TJP3: variants seen among roughly 807,000 people sequenced by gnomAD.
TJP3 encodes the protein tight junction protein 3.
Under a neutral mutation model 104.2 loss-of-function variants are expected in TJP3, and 85 were observed. The observed-to-expected ratio is 0.82, with a 90% confidence interval of 0.68 to 0.98. The LOEUF (loss-of-function observed/expected upper bound fraction) is 0.98. Ranked by LOEUF, TJP3 falls within the 50% of genes least tolerant of loss-of-function variation. The pLI, the probability that TJP3 is intolerant of heterozygous loss-of-function variation, is 0.00. For missense variants in TJP3, 1,367 were observed against 1,322.8 expected (o/e 1.03, Z -0.52); for synonymous variants, 550 against 550.6 (o/e 1.00, Z 0.02).
At chr19:3,712,110 G>A (rs949674634) in intron 1 of TJP3, among the ~76,000 whole-genome samples, 2 of 152,188 alleles carry the variant, frequency 1.3e-5, no homozygotes, top group Non-Finnish European at 2.9e-5. Flanking sequence ...GAGCCCAGGA[G>A]TTTGAGACCA....
intron 1 of TJP3, among the ~76,000 whole-genome samples, chr19:3,727,785 G>T (rs2036616149): frequency 6.6e-6 from 1 of 151,648 alleles, no homozygotes; most frequent in Admixed American, 6.6e-5. Context: ...TAGGTGCCCA[G>T]CTACTCAGGA....
At chr19:3,714,764 T>TCAGTTTTCC (rs2036462165) in intron 1 of TJP3, among the ~76,000 whole-genome samples, 1 of 151,936 alleles carries the variant, frequency 6.6e-6, no homozygotes, top group Non-Finnish European at 1.5e-5. Flanking sequence ...TCTCTGGGCC[T>TCAGTTTTCC]CAGTTTTCCC....
intron 1 of TJP3, among the ~76,000 whole-genome samples, chr19:3,710,735 G>C (rs948673254): frequency 2.0e-5 from 3 of 151,932 alleles, no homozygotes; most frequent in African/African-American, 4.8e-5. Flanking sequence ...CGCGAGTGTG[G>C]GGTCACCAGG....
chr19:3,723,400 C>T (rs2145674034), intron 1 of TJP3, among the ~76,000 whole-genome samples: 1 of 152,292 alleles, frequency 6.6e-6, no homozygotes, highest in South Asian at 2.1e-4. Flanking sequence ...GCCAGAGAGA[C>T]AGACATGTCT....
chr19:3,718,222 T>TGG lies in TJP3; in HGVS notation c.-10+9662_-10+9663insGG, dbSNP rs1294965795. ...AAAAAAAAAAAAAAAAGTGTGTGTG[T>TGG]GTGTGTGTGTGTGTGTGTGTGTGTG... On this transcript the variant is annotated intron_variant, in intron 1 of 20. Coordinates refer to ENST00000541714, the MANE Select transcript of TJP3 (RefSeq NM_001267560.2). 4.7e-4 allele frequency among the ~76,000 whole-genome samples: 32 copies of TGG among 68,052 alleles called. 1 individual carries two copies. Among genetic ancestry groups the TGG allele is most frequent in the East Asian group, 3.9e-3 (9 of 2,320 alleles). The allele number at this position is 68,052 out of a possible 152,430, so 44.6% of individuals were successfully genotyped here.
At chr19:3,738,844 G>C in intron 12 of TJP3, 53 bp from the exon 13 acceptor site, 1 of 1,502,538 alleles carries the variant, frequency 6.7e-7, no homozygotes, top group Admixed American at 1.9e-5. Context: ...GGTGGGGAGG[G>C]CTCAGATCAG....
At chr19:3,725,361 G>C (rs1440370564) in intron 1 of TJP3, among the ~76,000 whole-genome samples, 1 of 152,300 alleles carries the variant, frequency 6.6e-6, no homozygotes. Context: ...CCTCAGGCAA[G>C]TTACTGAACC....
Position 3,728,681 on chromosome 19 carries a change from G to A in TJP3, c.126G>A (p.Val42=). ...GTGGATCCATGGTTGTATCTGACGT[G>A]GTACCTGGAGGGCCGGCGGAGGGCA... ...RPGGSMVVSD[V]VPGGPAEGRL... The change falls in exon 3 of 21, where the codon GTG becomes GTA. Residue 42 remains valine, a synonymous_variant. Coordinates refer to ENST00000541714, the MANE Select transcript of TJP3 (RefSeq NM_001267560.2). 6.2e-7 allele frequency: 1 copy of A among 1,613,788 alleles called. No homozygotes were observed. The highest frequency in any genetic ancestry group is 8.5e-7 in the Non-Finnish European group (1 of 1,180,004).
chr19:3,717,722 C>T (rs1167278877), intron 1 of TJP3, among the ~76,000 whole-genome samples: 1 of 152,064 alleles, frequency 6.6e-6, no homozygotes, highest in African/African-American at 2.4e-5. Flanking sequence ...GCATGAGCCA[C>T]TGCACCCTGC....
chr19:3,745,752 A>G (rs1000397544), intron 15 of TJP3, among the ~76,000 whole-genome samples: 1 of 152,160 alleles, frequency 6.6e-6, no homozygotes, highest in Admixed American at 6.6e-5. Context: ...GTTGTCTCTG[A>G]GCCTCAGTTT....
At chr19:3,718,246 T>TGTGTGC (rs2036507488) in intron 1 of TJP3, among the ~76,000 whole-genome samples, 1 of 82,754 alleles carries the variant, frequency 1.2e-5, no homozygotes, top group Admixed American at 1.7e-4. Flanking sequence ...TGTGTGTGTG[T>TGTGTGC]GTGTGTGTGT....
In TJP3 at chr19:3,746,585, C is replaced by T. The variant is rs140303425; in HGVS notation, c.2111C>T (p.Pro704Leu). ...GTCTTCTTCATCCCCGAGAGCCGGC[C>T]GGCCCTCAAGGCACTGCGCCAGTGG... ...IVVFFIPESR[P>L]ALKALRQWLA... The change falls in exon 17 of 21, where the codon CCG becomes CTG. Residue 704 changes from proline (P) to leucine (L), a missense_variant. Physicochemically the swap from Pro to Leu is moderately conservative, Grantham distance 98. Transcript: ENST00000541714. This position sits in a 1 kb window ranked among gnomAD's most constrained non-coding sequence, Gnocchi z 4.1. The T allele has an allele frequency of 1.9e-5, 31 of 1,613,772 alleles. No homozygotes were observed. The highest frequency in any genetic ancestry group is 1.8e-4 in the Admixed American group (11 of 60,008).
intron 1 of TJP3, among the ~76,000 whole-genome samples, chr19:3,709,405 T>C (rs625435): frequency 0.7 from 106,814 of 152,086 alleles, 37,978 homozygotes; most frequent in East Asian, 1. Flanking sequence ...CTTCTTTTTC[T>C]AATCTTTACT....
At chr19:3,711,933 G>C (rs936791755) in intron 1 of TJP3, among the ~76,000 whole-genome samples, 1 of 151,950 alleles carries the variant, frequency 6.6e-6, no homozygotes, top group South Asian at 2.1e-4. Flanking sequence ...TGATCTGCCA[G>C]CCTCAGCCAC....
chr19:3,746,257 A>C lies in TJP3; in HGVS notation c.2010+176A>C, dbSNP rs576097880. ...CCCGAGACAGACAAGGGCTTCTCGG[A>C]GTCAAACAGCAGCCAGCCCTGGGCA... On this transcript the variant is annotated intron_variant, in intron 16 of 20. Coordinates refer to ENST00000541714, the MANE Select transcript of TJP3 (RefSeq NM_001267560.2). This position sits in a 1 kb window ranked among gnomAD's most constrained non-coding sequence, Gnocchi z 4.1. 2.6e-5 allele frequency among the ~76,000 whole-genome samples: 4 copies of C among 152,056 alleles called. No homozygotes were observed. The highest frequency in any genetic ancestry group is 4.2e-4 in the South Asian group (2 of 4,808).
intron 1 of TJP3, among the ~76,000 whole-genome samples, chr19:3,715,025 A>G (rs1183678964): frequency 2.0e-5 from 3 of 151,278 alleles, no homozygotes; most frequent in Admixed American, 6.6e-5. Flanking sequence ...TCTTTTTGCT[A>G]TTATTATTTT....
chr19:3,736,069 A>AGGGG, intron 10 of TJP3, 96 bp from the exon 11 acceptor site: 1 of 1,516,588 alleles, frequency 6.6e-7, no homozygotes, highest in Non-Finnish European at 8.9e-7. Context: ...GGGGAAACTG[A>AGGGG]GGCCTGGAGG....
At chr19:3,747,434 C>T (rs1237914307) in intron 18 of TJP3, among the ~76,000 whole-genome samples, 2 of 152,020 alleles carry the variant, frequency 1.3e-5, no homozygotes, top group African/African-American at 4.8e-5. Context: ...ACTCAGGAGG[C>T]TGAGGCAGGA....
chr19:3,750,662 G>A lies in TJP3; in HGVS notation c.2738G>A (p.Trp913Ter), dbSNP rs766669415. The A allele has an allele frequency of 5.0e-6, 8 of 1,603,918 alleles. No individual in the cohort carries two copies. Among genetic ancestry groups the A allele is most frequent in the Middle Eastern group, 3.3e-4 (2 of 6,048 alleles). The change falls in exon 21 of 21, where the codon TGG becomes TAG. Residue 913 changes from tryptophan (W) to a stop codon, truncating the protein, a stop_gained. Transcript: ENST00000541714. LOFTEE classifies it high-confidence loss of function. ...AESSDEDGYD[W>*]GPATDL ...TCCTCCGATGAAGACGGCTATGACT[G>A]GGGTCCGGCCACTGACCTGTGACCT...
Sources: allele counts gnomAD v4.1 joint callset (sites outside exome capture counted in the v4.1 genomes callset), GRCh38; gene constraint gnomAD v4.1.1; non-coding constraint Gnocchi (gnomAD v3.1); transcripts MANE v1.5; gene names NCBI Gene and HGNC (gene_info 2026-07-23, HGNC 2026-07-21).